Variants in TENM3 observed in about 807,000 individuals in gnomAD.
TENM3 encodes teneurin transmembrane protein 3, also known as teneurin-3.
TENM3 carries 63 observed loss-of-function variants against 255.1 expected under a neutral mutation model. The observed-to-expected ratio is 0.25, with a 90% CI of 0.20 to 0.30. The LOEUF is 0.30. Among genes scored for constraint, TENM3 ranks in the 10% least tolerant of loss-of-function variants. The probability of loss-of-function intolerance (pLI) is 1.00; values close to 1 mark genes in which losing one functional copy is unlikely to be tolerated. For synonymous variants in TENM3, 1,306 were observed against 1,322.3 expected, an observed-to-expected ratio of 0.99 and a Z score of 0.27; for missense variants, 2,929 against 3,461.1, an observed-to-expected ratio of 0.85 and a Z score of 3.86.
chr4:182,772,237 A>G (rs1764298890), intron 22 of TENM3, among the ~76,000 whole-genome samples: 2 of 152,138 alleles, frequency 1.3e-5, no homozygotes. Flanking sequence ...AAAACAAACA[A>G]AACACCTCTA....
chr4:182,611,247 A>C (rs1277229863), intron 4 of TENM3, among the ~76,000 whole-genome samples: 1 of 152,142 alleles, frequency 6.6e-6, no homozygotes, highest in Non-Finnish European at 1.5e-5. Flanking sequence ...GTATTTATTA[A>C]ATTTTAAATT....
At chr4:181,931,765 TA>T in the TENM3 span, among the ~76,000 whole-genome samples, 1 of 152,166 alleles carries the variant, frequency 6.6e-6, no homozygotes, top group Non-Finnish European at 1.5e-5. Flanking sequence ...GACTTCAAAC[TA>T]TACTACAAGA....
chr4:182,481,877 T>G (rs1414204176), intron 3 of TENM3, among the ~76,000 whole-genome samples: 2 of 152,216 alleles, frequency 1.3e-5, no homozygotes, highest in African/African-American at 4.8e-5. Flanking sequence ...ATTTTTTGCT[T>G]TATATCAAAA....
chr4:182,083,354 T>A, the TENM3 span, among the ~76,000 whole-genome samples: 1 of 152,210 alleles, frequency 6.6e-6, no homozygotes, highest in Non-Finnish European at 1.5e-5. Flanking sequence ...GACATTTCCC[T>A]GGTTAGCTGG....
At chr4:181,643,809 GCTCACAC>G in the TENM3 span, among the ~76,000 whole-genome samples, 3 of 152,168 alleles carry the variant, frequency 2.0e-5, no homozygotes, top group African/African-American at 7.2e-5. Context: ...TGGTGTGGTG[GCTCACAC>G]CTTTAATCCC....
chr4:181,535,593 TA>T, the TENM3 span, among the ~76,000 whole-genome samples: 2 of 152,134 alleles, frequency 1.3e-5, no homozygotes, highest in African/African-American at 4.8e-5. Flanking sequence ...AGGTAAAAGG[TA>T]GATTCTTTAT....
At chr4:182,575,609 T>C (rs1000263500) in intron 3 of TENM3, among the ~76,000 whole-genome samples, 1 of 152,232 alleles carries the variant, frequency 6.6e-6, no homozygotes, top group Non-Finnish European at 1.5e-5. Context: ...TATGGTGTTG[T>C]GATTTGCAGC....
the TENM3 span, among the ~76,000 whole-genome samples, chr4:181,888,568 GTATATATATACATATATA>G: frequency 4.5e-5 from 3 of 66,282 alleles, no homozygotes; most frequent in African/African-American, 6.2e-5. Flanking sequence ...ATACATATAT[GTATATATATACATATATA>G]TATGCGTGTG....
the TENM3 span, among the ~76,000 whole-genome samples, chr4:181,945,663 G>A: frequency 6.6e-6 from 1 of 151,998 alleles, no homozygotes; most frequent in Non-Finnish European, 1.5e-5. Flanking sequence ...ATGAAACGAA[G>A]CAGTTAAAAG....
intron 5 of TENM3, among the ~76,000 whole-genome samples, chr4:182,640,219 A>G (rs1043826251): frequency 1.3e-5 from 2 of 152,254 alleles, no homozygotes; most frequent in African/African-American, 4.8e-5. Context: ...CACTTAAAAA[A>G]GAAGTATATA....
intron 3 of TENM3, among the ~76,000 whole-genome samples, chr4:182,389,811 G>A (rs368463923): frequency 6.6e-6 from 1 of 151,474 alleles, no homozygotes; most frequent in African/African-American, 2.4e-5. Flanking sequence ...TCAGCCTCCC[G>A]AGTAGCTGGG....
the TENM3 span, chr4:181,906,167 G>T: frequency 3.8e-6 from 1 of 259,966 alleles, no homozygotes; most frequent in South Asian, 4.5e-5. Flanking sequence ...CCATCAATGT[G>T]ATTCTATTAA....
chr4:182,319,969 C>T (rs975259589), intron 1 of TENM3, among the ~76,000 whole-genome samples: 3 of 151,978 alleles, frequency 2.0e-5, no homozygotes, highest in South Asian at 2.1e-4. Flanking sequence ...ACAAATTAGC[C>T]GGGTGTGGTG....
chr4:182,705,560 C>T (rs1758215165), intron 12 of TENM3, among the ~76,000 whole-genome samples: 1 of 152,200 alleles, frequency 6.6e-6, no homozygotes, highest in Non-Finnish European at 1.5e-5. Context: ...GTGAAACCGA[C>T]TTGACCTTCC....
At chr4:181,960,335 T>G in the TENM3 span, among the ~76,000 whole-genome samples, 1 of 152,290 alleles carries the variant, frequency 6.6e-6, no homozygotes, top group Admixed American at 6.5e-5. Context: ...TTTTCTAATT[T>G]TTCAAGATAA....
intron 3 of TENM3, among the ~76,000 whole-genome samples, chr4:182,572,754 G>C (rs1000424559): frequency 6.6e-6 from 1 of 152,176 alleles, no homozygotes; most frequent in African/African-American, 2.4e-5. Context: ...TCACAGATTT[G>C]ATAAAAAGGC....
At chr4:181,844,009 C>T in the TENM3 span, among the ~76,000 whole-genome samples, 4 of 152,148 alleles carry the variant, frequency 2.6e-5, no homozygotes, top group South Asian at 6.2e-4. Context: ...TGAGCCACCG[C>T]GCCCGGCCGA....
At chr4:181,455,939 G>A in the TENM3 span, among the ~76,000 whole-genome samples, 1 of 151,772 alleles carries the variant, frequency 6.6e-6, no homozygotes, top group Non-Finnish European at 1.5e-5. Context: ...CGGTGGGAAG[G>A]GCAAAGGTAG....
intron 3 of TENM3, among the ~76,000 whole-genome samples, chr4:182,366,775 A>G (rs1271249091): frequency 6.6e-6 from 1 of 152,174 alleles, no homozygotes; most frequent in African/African-American, 2.4e-5. Context: ...TAACCTTTAG[A>G]CACTGTAAAA....
Sources: gnomAD v4.1 joint callset for allele counts (sites outside exome capture counted in the v4.1 genomes callset) on GRCh38, gnomAD v4.1.1 for gene constraint, MANE v1.5 for transcripts, NCBI Gene and HGNC (gene_info 2026-07-23, HGNC 2026-07-21) for gene names.